Variants in INPP5D observed in about 807,000 individuals in gnomAD.
INPP5D encodes the protein phosphatidylinositol 3,4,5-trisphosphate 5-phosphatase 1.
A neutral mutation model predicts 122.9 loss-of-function variants in INPP5D; 33 were observed. That is an observed-to-expected ratio of 0.27 (90% CI 0.20 to 0.36). The LOEUF is 0.36. INPP5D is among the 10% of genes least tolerant of loss of function. The pLI, the probability that INPP5D is intolerant of heterozygous loss-of-function variation, is 1.00. For synonymous variants in INPP5D, 584 were observed against 576.2 expected (o/e 1.01, Z -0.19); for missense variants, 1,053 against 1,412.7 (o/e 0.75, Z 4.08).
intron 22 of INPP5D, 100 bp downstream of exon 22, chr2:233,190,037 C>G (rs953663535): frequency 6.7e-7 from 1 of 1,502,952 alleles, no homozygotes; most frequent in Non-Finnish European, 8.9e-7. Flanking sequence ...CGGTCATAGG[C>G]TCCTGCCTCT....
chr2:233,195,403 T>C lies in INPP5D; in HGVS notation c.2601T>C (p.Phe867=), dbSNP rs1370016342. 5.6e-6 allele frequency: 9 copies of C among 1,613,684 alleles called. No individual in the cohort carries two copies. Among genetic ancestry groups the C allele is most frequent in the South Asian group, 1.1e-5 (1 of 91,070 alleles). ...TTCCCGTCCCTTTCCTTCCAGACTTTGTGAAGACGGAGCGTGATGAATCCA... is the reference window on the plus strand; with the variant it reads ...TTCCCGTCCCTTTCCTTCCAGACTTCGTGAAGACGGAGCGTGATGAATCCA... The part of the protein sequence containing the change: ...QGKTREKLYD[F]VKTERDESSG... The change falls in exon 24 of 27, where the codon TTT becomes TTC. Residue 867 remains phenylalanine (F), a synonymous_variant. Transcript: ENST00000445964.
chr2:233,138,876 G>C (rs1008631042), intron 5 of INPP5D, among the ~76,000 whole-genome samples: 1 of 151,722 alleles, frequency 6.6e-6, no homozygotes, highest in African/African-American at 2.4e-5. Flanking sequence ...CTTCCGAGTA[G>C]CTGGAACTAC....
At chr2:233,102,407 A>C (rs1379133225) in intron 2 of INPP5D, among the ~76,000 whole-genome samples, 1 of 152,088 alleles carries the variant, frequency 6.6e-6, no homozygotes, top group Non-Finnish European at 1.5e-5. Context: ...CGCCTGCTTC[A>C]CTCACACCAA....
At chr2:233,140,757 T>C (rs1693615859) in intron 6 of INPP5D, 1 of 152,222 alleles carries the variant, frequency 6.6e-6, no homozygotes, top group South Asian at 2.1e-4. Context: ...CCCAGGTTGG[T>C]TTCAAACTTC....
At chr2:233,181,271 G>A (rs538784854) in intron 18 of INPP5D, among the ~76,000 whole-genome samples, 2 of 152,230 alleles carry the variant, frequency 1.3e-5, no homozygotes, top group African/African-American at 4.8e-5. Flanking sequence ...TCCTTTGGTT[G>A]GTTGAAGGGT....
chr2:233,195,630 T>C (rs1695164921), intron 24 of INPP5D, 135 bp downstream of exon 24: 1 of 1,448,796 alleles, frequency 6.9e-7, no homozygotes, highest in Admixed American at 2.0e-5. Context: ...GAGGATCATT[T>C]GAGCCTAGGA....
At chr2:233,119,498 G>T (rs1377462003) in intron 2 of INPP5D, among the ~76,000 whole-genome samples, 1 of 152,118 alleles carries the variant, frequency 6.6e-6, no homozygotes, top group Admixed American at 6.6e-5. Context: ...GTTCAATAAT[G>T]TTTGAAAGAG....
chr2:233,193,997 C>G, intron 23 of INPP5D, 36 bp downstream of exon 23: 1 of 1,541,712 alleles, frequency 6.5e-7, no homozygotes, highest in Non-Finnish European at 8.8e-7. Context: ...CCCTCTTCAG[C>G]CCCCCACTTA....
At chr2:233,141,869 A>G (rs1246556832) in intron 6 of INPP5D, among the ~76,000 whole-genome samples, 1 of 152,208 alleles carries the variant, frequency 6.6e-6, no homozygotes, top group East Asian at 1.9e-4. Flanking sequence ...GTTTGCCCAC[A>G]TTGTTAGTTT....
At position 233,122,236 on chromosome 2, in the gene INPP5D, G is replaced by A. The variant is rs370226119; in HGVS notation, c.328G>A (p.Asp110Asn). Residue 110 changes from aspartate (D) to asparagine (N), a missense_variant, in exon 3 of 27, where the codon GAC becomes AAC. Around this residue, in one of 6 missense-constraint regions of INPP5D, gnomAD observed 74 missense variants for 146.6 expected, o/e 0.50. Coordinates refer to ENST00000445964, the MANE Select transcript of INPP5D (RefSeq NM_001017915.3). ...GCCGCTGGAGGAAGAGGACACAGGCGACGACCCTGAGGAGGACACAGGTAG... is the reference window on the plus strand; with the variant it reads ...GCCGCTGGAGGAAGAGGACACAGGCAACGACCCTGAGGAGGACACAGGTAG... Reference protein sequence around the residue: ...PVPLEEEDTGDDPEEDTVESV... With the variant: ...PVPLEEEDTGNDPEEDTVESV... 9 of 1,613,708 alleles carry A rather than the reference G, an allele frequency of 5.6e-6. No individual in the cohort carries two copies. The highest frequency in any genetic ancestry group is 1.7e-4 in the Middle Eastern group (1 of 6,042).
intron 5 of INPP5D, among the ~76,000 whole-genome samples, chr2:233,135,789 A>G (rs953775863): frequency 1.3e-5 from 2 of 152,074 alleles, no homozygotes; most frequent in African/African-American, 4.8e-5. Context: ...AAATGTACCA[A>G]TCAAATGCCT....
intron 2 of INPP5D, among the ~76,000 whole-genome samples, chr2:233,095,010 C>T (rs904934659): frequency 2.6e-5 from 4 of 152,140 alleles, no homozygotes; most frequent in Admixed American, 1.3e-4. Context: ...AAGAAGAATC[C>T]TAACAAACAA....
At position 233,185,862 on chromosome 2, in the gene INPP5D, A is replaced by C; in HGVS notation, c.2295A>C (p.Glu765Asp). ...SCLESFVKSQ[E>D]GENEEGSEGE... ...CAACAGGTTTTGTCAAGAGTCAGGA[A>C]GGAGAAAATGAAGAAGGAAGTGAGG... The change falls in exon 21 of 27, where the codon GAA (glutamate) becomes GAC (aspartate). Residue 765 changes from glutamate to aspartate, a missense_variant. By Grantham distance (45) the Glu-to-Asp change is conservative. Transcript: ENST00000445964. The C allele has an allele frequency of 6.2e-7, 1 of 1,608,562 alleles. No homozygotes were observed. The highest frequency in any genetic ancestry group is 8.5e-7 in the Non-Finnish European group (1 of 1,177,414).
At chr2:233,190,026 C>G in intron 22 of INPP5D, 89 bp downstream of exon 22, 5 of 1,543,916 alleles carry the variant, frequency 3.2e-6, no homozygotes, top group Non-Finnish European at 4.4e-6. Flanking sequence ...CCTGGCACTT[C>G]CGGTCATAGG....
rs189592172 is a variant in INPP5D at position 233,125,274 on chromosome 2, G to A, written c.350-471G>A. ...CTGGAGAGAGGGGACCAGGGAGAGAGGGAGAGGGGCAGTGTGGCTAGGCCT... is the reference window on the plus strand; with the variant it reads ...CTGGAGAGAGGGGACCAGGGAGAGAAGGAGAGGGGCAGTGTGGCTAGGCCT... On this transcript the variant is annotated intron_variant, in intron 3 of 26. Transcript: ENST00000445964. 7.0e-4 allele frequency among the ~76,000 whole-genome samples: 106 copies of A among 152,354 alleles called. 1 individual carries two copies. The highest frequency in any genetic ancestry group is 2.4e-3 in the African/African-American group (101 of 41,582).
intron 10 of INPP5D, among the ~76,000 whole-genome samples, chr2:233,158,667 C>A (rs979842733): frequency 1.3e-5 from 2 of 152,154 alleles, no homozygotes; most frequent in African/African-American, 4.8e-5. Context: ...AGCCTCGAGG[C>A]CACATCCTTT....
chr2:233,104,536 G>A (rs1010035611), intron 2 of INPP5D, among the ~76,000 whole-genome samples: 5 of 152,126 alleles, frequency 3.3e-5, no homozygotes, highest in Non-Finnish European at 7.3e-5. Context: ...AGGTGAGGTC[G>A]GAAGTGTGCT....
intron 1 of INPP5D, among the ~76,000 whole-genome samples, chr2:233,066,858 A>C (rs1030481935): frequency 3.9e-5 from 6 of 152,010 alleles, no homozygotes; most frequent in South Asian, 2.1e-4. Context: ...GGCTCACTGT[A>C]ACCTCCGCTT....
chr2:233,129,075 A>G (rs1693247161), intron 4 of INPP5D, among the ~76,000 whole-genome samples: 1 of 152,084 alleles, frequency 6.6e-6, no homozygotes, highest in Non-Finnish European at 1.5e-5. Context: ...CTGAGGCAGG[A>G]GAATCACTTG....
Sources: allele counts gnomAD v4.1 joint callset (sites outside exome capture counted in the v4.1 genomes callset), GRCh38; gene constraint gnomAD v4.1.1; regional missense constraint gnomAD v4.1.1; transcripts MANE v1.5; gene names NCBI Gene and HGNC (gene_info 2026-07-23, HGNC 2026-07-21).